The following NSMCE4A variants were observed in gnomAD, a reference collection of about 807,000 sequenced individuals.
NSMCE4A encodes the protein NSE4A component of SMC5/6 complex.
NSMCE4A carries 40 observed loss-of-function variants against 47.9 expected under a neutral mutation model. The observed-to-expected ratio is 0.83, with a 90% CI of 0.65 to 1.09. NSMCE4A has a LOEUF of 1.09. NSMCE4A is among the 50% of genes least tolerant of loss of function. NSMCE4A has a pLI of 0.00. For synonymous variants in NSMCE4A, 166 were observed against 178.5 expected (o/e 0.93, Z 0.56); for missense variants, 500 against 507.0 (o/e 0.99, Z 0.13).
At chr10:121,965,209 C>A (rs1344135919) in intron 5 of NSMCE4A, 77 bp downstream of exon 5, 2 of 1,031,464 alleles carry the variant, frequency 1.9e-6, no homozygotes, top group Admixed American at 2.2e-5. Flanking sequence ...GAAAAAATGG[C>A]CAAATTGCAT....
Position 121,961,426 on chromosome 10 carries a change from T to A in NSMCE4A, c.936A>T (p.Ile312=). Residue 312 remains isoleucine (I), a synonymous_variant, in exon 7 of 11, where the codon ATA becomes ATT. Transcript: ENST00000369023. ...GAAAAATAATCTTTAATCTTACCCG[T>A]ATAATGAAGGAAACATGAAAGATGT... ...VENIFHVSFI[I]RDGFARIRLD... The A allele has an allele frequency of 6.4e-7, 1 of 1,556,278 alleles. No homozygotes were observed. Among genetic ancestry groups the A allele is most frequent in the Admixed American group, 2.2e-5 (1 of 44,656 alleles).
chr10:121,967,710 T>G lies in NSMCE4A; in HGVS notation c.598A>C (p.Ile200Leu). Reference protein sequence around the residue: ...FEFIVYDSWKITGRTAENTFN... With the variant: ...FEFIVYDSWKLTGRTAENTFN... The stretch of plus-strand genomic sequence containing the variant: ...GTGTTTTCTGCTGTTCTGCCTGTTA[T>G]CTTCCAGGAGTCATAGACTATGAAT... Residue 200 changes from isoleucine (I) to leucine (L), a missense_variant, in exon 4 of 11, where the codon ATA becomes CTA. By Grantham distance (5) the Ile-to-Leu change is conservative (BLOSUM62 2). Coordinates refer to ENST00000369023, the MANE Select transcript of NSMCE4A (RefSeq NM_017615.3). 1 of 1,614,094 alleles carries G rather than the reference T, an allele frequency of 6.2e-7. No individual in the cohort carries two copies.
rs1327275967 is a variant in NSMCE4A at position 121,963,339 on chromosome 10, T to C, written c.754-11A>G. 3 of 1,546,122 alleles carry C rather than the reference T, an allele frequency of 1.9e-6. No individual in the cohort carries two copies. The highest frequency in any genetic ancestry group is 2.7e-6 in the Non-Finnish European group (3 of 1,120,712). The stretch of plus-strand genomic sequence containing the variant: ...TTCCATTCTTCTTAACTGAAAAAAG[T>C]CATTATCAAGCTGACAGACCTACTT... On this transcript the variant is annotated splice_polypyrimidine_tract_variant and intron_variant, in intron 5 of 10. Coordinates refer to ENST00000369023, the MANE Select transcript of NSMCE4A (RefSeq NM_017615.3).
At chr10:121,969,275 C>T (rs1419814749) in intron 3 of NSMCE4A, among the ~76,000 whole-genome samples, 3 of 152,012 alleles carry the variant, frequency 2.0e-5, no homozygotes, top group Non-Finnish European at 4.4e-5. Context: ...GTGGAGGTTG[C>T]GGTGAGCTGA....
intron 5 of NSMCE4A, among the ~76,000 whole-genome samples, chr10:121,964,052 C>T (rs1428797869): frequency 2.2e-4 from 32 of 144,650 alleles, no homozygotes; most frequent in South Asian, 9.0e-4. Context: ...GCCGAGATCG[C>T]GCCACTGCAC....
At chr10:121,969,052 G>A (rs1952656776) in intron 3 of NSMCE4A, among the ~76,000 whole-genome samples, 1 of 152,168 alleles carries the variant, frequency 6.6e-6, no homozygotes, top group Non-Finnish European at 1.5e-5. Context: ...GTTATTTAAA[G>A]TACAGAGCTT....
At chr10:121,965,025 A>G (rs984836861) in intron 5 of NSMCE4A, among the ~76,000 whole-genome samples, 14 of 152,252 alleles carry the variant, frequency 9.2e-5, no homozygotes, top group Admixed American at 5.9e-4. Context: ...CCAAACCAAC[A>G]TTATCCAGCC....
At chr10:121,958,556 T>C (rs1346664202) in intron 10 of NSMCE4A, among the ~76,000 whole-genome samples, 5 of 152,144 alleles carry the variant, frequency 3.3e-5, no homozygotes, top group African/African-American at 1.2e-4. Flanking sequence ...AATGGGATGG[T>C]GAACAACAAC....
At chr10:121,967,383 A>G (rs11200292) in intron 4 of NSMCE4A, 49,355 of 332,684 alleles carry the variant, frequency 0.15, 4,071 homozygotes, top group Middle Eastern at 0.18. Flanking sequence ...TTTTTGGTAG[A>G]GATGGGTTCT....
chr10:121,962,818 G>T (rs572139416), intron 6 of NSMCE4A, among the ~76,000 whole-genome samples: 1 of 152,030 alleles, frequency 6.6e-6, no homozygotes, highest in Non-Finnish European at 1.5e-5. Context: ...CTCCATGTTG[G>T]TCAGGCGGGT....
chr10:121,960,083 G>A lies in NSMCE4A; in HGVS notation c.988+275C>T. The A allele has an allele frequency of 3.1e-6, 1 of 322,236 alleles. No homozygotes were observed. The highest frequency in any genetic ancestry group is 5.6e-6 in the Non-Finnish European group (1 of 180,060). 20.0% of individuals were successfully genotyped at this position (322,236 alleles called of 1,614,324 possible). ...TTAGAAAGAGGGATACTACAAAAAT[G>A]ACTGCAATCACCAACTTTCTAAATT... On this transcript the variant is annotated intron_variant, in intron 8 of 10. Transcript: ENST00000369023. The surrounding 1 kb of genome is among the most constrained non-coding windows in gnomAD (Gnocchi z 4.2).
intron 6 of NSMCE4A, chr10:121,962,109 T>TA (rs71022875): frequency 2.1e-3 from 615 of 293,990 alleles, no homozygotes; most frequent in Middle Eastern, 4.2e-3. Flanking sequence ...GACTGTCTCC[T>TA]AAAAAAAAAA....
In NSMCE4A at chr10:121,970,919, G is replaced by C. The variant is rs1952696056; in HGVS notation, c.501+20C>G. On this transcript the variant is annotated intron_variant, in intron 3 of 10. Coordinates refer to ENST00000369023, the MANE Select transcript of NSMCE4A (RefSeq NM_017615.3). Reference sequence around the variant, plus strand: ...TATAACAGAACATTTTTTATTCAGAGTCTGTAGCTTTGAACTTACTAGAGT... The same window carrying C: ...TATAACAGAACATTTTTTATTCAGACTCTGTAGCTTTGAACTTACTAGAGT... 6.3e-7 allele frequency: 1 copy of C among 1,585,784 alleles called. No individual in the cohort carries two copies. Among genetic ancestry groups the C allele is most frequent in the Admixed American group, 1.8e-5 (1 of 54,876 alleles).
At chr10:121,966,091 ATAAAT>A (rs956914126) in intron 4 of NSMCE4A, 3 of 152,228 alleles carry the variant, frequency 2.0e-5, no homozygotes, top group African/African-American at 7.2e-5. Context: ...GTATAAAAAA[ATAAAT>A]TAATCAAATT....
At chr10:121,959,093 G>C (rs528974872) in intron 10 of NSMCE4A, among the ~76,000 whole-genome samples, 2 of 152,186 alleles carry the variant, frequency 1.3e-5, no homozygotes, top group Non-Finnish European at 2.9e-5. Context: ...GATTACAGGC[G>C]TGAGCCACCA....
intron 10 of NSMCE4A, among the ~76,000 whole-genome samples, chr10:121,958,307 G>A (rs965476650): frequency 2.6e-5 from 4 of 152,126 alleles, no homozygotes; most frequent in African/African-American, 7.2e-5. Flanking sequence ...AATAAATAAA[G>A]TAAGGGGCAT....
chr10:121,974,699 GGAGCA>G (rs1952783673), intron 1 of NSMCE4A, 170 bp downstream of exon 1: 10 of 1,121,324 alleles, frequency 8.9e-6, no homozygotes, highest in Non-Finnish European at 1.1e-5. Flanking sequence ...CCACAAAGTG[GGAGCA>G]CTTTGTCAAC....
At chr10:121,971,185 ATCT>A in intron 2 of NSMCE4A, 116 bp from the exon 3 acceptor site, 3 of 1,008,920 alleles carry the variant, frequency 3.0e-6, no homozygotes, top group Non-Finnish European at 4.2e-6. Context: ...AAAAAAAAAA[ATCT>A]CAATAGGCAA....
At chr10:121,972,664 A>G (rs1952737558) in intron 2 of NSMCE4A, among the ~76,000 whole-genome samples, 1 of 152,200 alleles carries the variant, frequency 6.6e-6, no homozygotes, top group African/African-American at 2.4e-5. Flanking sequence ...TAATTGAGTC[A>G]AGTCAAGCAA....
Sources: gnomAD v4.1 joint callset for allele counts (sites outside exome capture counted in the v4.1 genomes callset) on GRCh38, gnomAD v4.1.1 for gene constraint, Gnocchi (gnomAD v3.1) non-coding constraint, MANE v1.5 for transcripts, NCBI Gene and HGNC (gene_info 2026-07-23, HGNC 2026-07-21) for gene names.